Variants in MED27 observed in about 807,000 individuals in gnomAD.
MED27 encodes mediator complex subunit 27.
A neutral mutation model predicts 38.2 loss-of-function variants in MED27; 30 were observed. The ratio of observed to expected loss-of-function variants is 0.79; its 90% CI spans 0.59 to 1.07. The LOEUF (loss-of-function observed/expected upper bound fraction) is 1.07, where lower values mean the gene tolerates loss of function less well. Ranked by LOEUF, MED27 falls within the 50% of genes least tolerant of loss-of-function variation. MED27 has a pLI of 0.00. For missense variants in MED27, 289 were observed against 397.5 expected, an observed-to-expected ratio of 0.73 and a Z score of 2.32; for synonymous variants, 122 against 153.5, an observed-to-expected ratio of 0.79 and a Z score of 1.52.
In MED27 at chr9:131,905,930, A is replaced by G. The variant is rs570462307; in HGVS notation, c.574-11938T>C. 1.1e-4 allele frequency among the ~76,000 whole-genome samples: 16 copies of G among 152,272 alleles called. No individual in the cohort carries two copies. The South Asian group carries it at 3.1e-3, about 30-fold the overall frequency. On this transcript the variant is annotated intron_variant, in intron 4 of 7. Coordinates refer to ENST00000292035, the MANE Select transcript of MED27 (RefSeq NM_004269.4). ...CAGGCATTAGGCACCCAGAGTGAGA[A>G]ATGAAATAGACATTCACAGAGCTAA...
rs1365585751 is a variant in MED27 at position 131,861,329 on chromosome 9, C to G, written c.802-657G>C. Among the ~76,000 whole-genome samples the G allele has an allele frequency of 5.9e-5, 9 of 152,132 alleles. No homozygotes were observed. The highest frequency in any genetic ancestry group is 1.3e-4 in the Non-Finnish European group (9 of 68,032). Reference sequence around the variant, plus strand: ...CCTCCCGTAACTCAATTCTCAAACACAAGGAGATTCACTACCAAAGAAAAA... The same window carrying G: ...CCTCCCGTAACTCAATTCTCAAACAGAAGGAGATTCACTACCAAAGAAAAA... On this transcript the variant is annotated intron_variant, in intron 7 of 7. Coordinates refer to ENST00000292035, the MANE Select transcript of MED27 (RefSeq NM_004269.4). The surrounding 1 kb of genome is among the most constrained non-coding windows in gnomAD (Gnocchi z 4.4).
At chr9:131,867,098 G>A (rs1348452815) in intron 6 of MED27, among the ~76,000 whole-genome samples, 1 of 152,200 alleles carries the variant, frequency 6.6e-6, no homozygotes, top group Non-Finnish European at 1.5e-5. Flanking sequence ...TTTGTTTCGT[G>A]TCAATTTCCC....
intron 4 of MED27, among the ~76,000 whole-genome samples, chr9:131,910,454 G>GTA (rs1830167358): frequency 6.6e-6 from 1 of 152,212 alleles, no homozygotes; most frequent in African/African-American, 2.4e-5. Flanking sequence ...AGCAAATTAT[G>GTA]TAAAATCAGA....
intron 3 of MED27, among the ~76,000 whole-genome samples, chr9:132,011,268 T>G (rs1481344492): frequency 6.7e-6 from 1 of 148,860 alleles, no homozygotes; most frequent in Non-Finnish European, 1.5e-5. Context: ...AAACTATATA[T>G]GACATATGCA....
chr9:132,047,574 T>C (rs757029304), intron 2 of MED27, among the ~76,000 whole-genome samples: 97 of 151,994 alleles, frequency 6.4e-4, no homozygotes, highest in African/African-American at 1.8e-3. Flanking sequence ...TCCATACTCT[T>C]TGACCCAATC....
chr9:131,978,460 G>A (rs888304659), intron 3 of MED27, among the ~76,000 whole-genome samples: 4 of 152,136 alleles, frequency 2.6e-5, no homozygotes, highest in African/African-American at 9.7e-5. Context: ...TATTTTAGGT[G>A]GGATAATAGT....
intron 2 of MED27, among the ~76,000 whole-genome samples, chr9:132,065,157 A>C (rs1433997190): frequency 6.6e-6 from 1 of 152,218 alleles, no homozygotes; most frequent in East Asian, 1.9e-4. Flanking sequence ...CCATTTTCTC[A>C]CACGTTAATG....
intron 4 of MED27, among the ~76,000 whole-genome samples, chr9:131,899,743 T>G (rs561863174): frequency 6.6e-6 from 1 of 152,330 alleles, no homozygotes; most frequent in South Asian, 2.1e-4. Context: ...CTAGCAGACC[T>G]TCCAGCCCTC....
At chr9:131,890,101 A>T (rs1175931710) in intron 5 of MED27, among the ~76,000 whole-genome samples, 1 of 152,204 alleles carries the variant, frequency 6.6e-6, no homozygotes, top group Non-Finnish European at 1.5e-5. Flanking sequence ...ACACACACAC[A>T]GAGTACTCAA....
chr9:131,894,197 G>A (rs1241860155), intron 4 of MED27, among the ~76,000 whole-genome samples: 4 of 152,126 alleles, frequency 2.6e-5, no homozygotes, highest in Non-Finnish European at 4.4e-5. Context: ...GCCTCAACTC[G>A]TCTAACTTCC....
rs1318461461 is a variant in MED27, at chr9:132,051,861, G to A, written c.348+25581C>T. 6.6e-6 allele frequency among the ~76,000 whole-genome samples: 1 copy of A among 152,156 alleles called. No homozygotes were observed. The highest frequency in any genetic ancestry group is 2.4e-5 in the African/African-American group (1 of 41,414). The stretch of plus-strand genomic sequence containing the variant: ...ATCACATTAAAACCAGAAGAATCCC[G>A]ATGGACGAGACTGAGGTGCCAAAAC... On this transcript the variant is annotated intron_variant, in intron 2 of 7. Coordinates refer to ENST00000292035, the MANE Select transcript of MED27 (RefSeq NM_004269.4). This position sits in a 1 kb window ranked among gnomAD's most constrained non-coding sequence, Gnocchi z 4.2.
chr9:131,905,763 A>T (rs1830050832), intron 4 of MED27, among the ~76,000 whole-genome samples: 1 of 149,390 alleles, frequency 6.7e-6, no homozygotes, highest in Non-Finnish European at 1.5e-5. Flanking sequence ...GAAAAAACCA[A>T]CCTGCCTCCT....
At chr9:131,876,856 A>C (rs1445823554) in intron 6 of MED27, among the ~76,000 whole-genome samples, 2 of 152,214 alleles carry the variant, frequency 1.3e-5, no homozygotes, top group African/African-American at 4.8e-5. Flanking sequence ...TCCCTTTGCA[A>C]GGATGAAAGC....
At chr9:131,986,431 C>T (rs771359609) in intron 3 of MED27, among the ~76,000 whole-genome samples, 1 of 152,216 alleles carries the variant, frequency 6.6e-6, no homozygotes, top group South Asian at 2.1e-4. Context: ...AATCTTCCCA[C>T]CTCAGCCTCC....
chr9:132,079,828 T>C lies in MED27; in HGVS notation c.17A>G (p.Asn6Ser), dbSNP rs1039387684. The C allele has an allele frequency of 5.6e-6, 9 of 1,599,308 alleles. No individual in the cohort carries two copies. Among genetic ancestry groups the C allele is most frequent in the African/African-American group, 4.0e-5 (3 of 74,666 alleles). The change falls in exon 1 of 8, where the codon AAT becomes AGT. Residue 6 changes from asparagine to serine, a missense_variant. Asn to Ser is a conservative substitution (Grantham distance 46, BLOSUM62 1). Transcript: ENST00000292035. MADVI[N>S]VSVNLEAFSQ... ...AAAGGCCTCCAGGTTCACACTGACA[T>C]TTATCACGTCCGCCATGTTGCCGCC... is the stretch of plus-strand genomic sequence containing the variant.
At chr9:132,038,515 G>A (rs185647413) in intron 2 of MED27, among the ~76,000 whole-genome samples, 119 of 152,272 alleles carry the variant, frequency 7.8e-4, no homozygotes, top group Non-Finnish European at 1.4e-3. Flanking sequence ...CTAAGCACTC[G>A]AGAAATATCA....
At chr9:131,871,516 C>A (rs1281185728) in intron 6 of MED27, among the ~76,000 whole-genome samples, 1 of 152,200 alleles carries the variant, frequency 6.6e-6, no homozygotes, top group Non-Finnish European at 1.5e-5. Context: ...AGTCACCAGC[C>A]TGGTACAGGA....
At chr9:131,935,927 A>AT (rs1390103706) in intron 4 of MED27, among the ~76,000 whole-genome samples, 1 of 152,074 alleles carries the variant, frequency 6.6e-6, no homozygotes, top group Non-Finnish European at 1.5e-5. Context: ...AGGCAGACGC[A>AT]TCACTTGAGC....
chr9:131,996,586 A>G (rs1299503428), intron 3 of MED27, among the ~76,000 whole-genome samples: 1 of 152,222 alleles, frequency 6.6e-6, no homozygotes, highest in African/African-American at 2.4e-5. Context: ...AGTAGAACTG[A>G]GCAACACAGG....
Sources: allele counts gnomAD v4.1 joint callset (sites outside exome capture counted in the v4.1 genomes callset), GRCh38; gene constraint gnomAD v4.1.1; non-coding constraint Gnocchi (gnomAD v3.1); transcripts MANE v1.5; gene names NCBI Gene and HGNC (gene_info 2026-07-23, HGNC 2026-07-21).